ZNF736: variants seen among roughly 807,000 people sequenced by gnomAD.
ZNF736 encodes the protein zinc finger protein 736.
Under a neutral mutation model 11.7 loss-of-function variants are expected in ZNF736, and 6 were observed. The ratio of observed to expected loss-of-function variants is 0.51; its 90% CI spans 0.28 to 1.01. ZNF736 has a LOEUF of 1.01. Among genes scored for constraint, ZNF736 ranks in the 50% least tolerant of loss-of-function variants. The probability of loss-of-function intolerance (pLI) is 0.09; values close to 1 mark genes in which losing one functional copy is unlikely to be tolerated. For synonymous variants in ZNF736, 139 were observed against 164.7 expected (o/e 0.84, Z 1.19); for missense variants, 444 against 496.0 (o/e 0.90, Z 1.00).
At position 64,354,521 on chromosome 7, in the gene ZNF736, T is replaced by C. The variant is rs1248300882; in HGVS notation, c.*5374T>C. 1 of 150,066 alleles carries C rather than the reference T, an allele frequency of 6.7e-6. No homozygotes were observed. The highest frequency in any genetic ancestry group is 1.5e-5 in the Non-Finnish European group (1 of 67,654). 9.3% of individuals were successfully genotyped at this position (150,066 alleles called of 1,614,324 possible). On this transcript the variant is annotated 3_prime_UTR_variant, in exon 4 of 4. Transcript: ENST00000423484. The stretch of plus-strand genomic sequence containing the variant: ...TTAAATTCATTTATCTAAAATGTTA[T>C]TGCTCCTGGCTTAGAATCATCTTGT...
At chr7:64,324,644 C>A (rs560762172) in intron 1 of ZNF736, among the ~76,000 whole-genome samples, 30 of 152,296 alleles carry the variant, frequency 2.0e-4, no homozygotes, top group Non-Finnish European at 4.3e-4. Flanking sequence ...TTATCCCTGT[C>A]CTCAGACGCT....
intron 3 of ZNF736, among the ~76,000 whole-genome samples, chr7:64,345,283 A>G (rs1789393172): frequency 6.6e-6 from 1 of 150,990 alleles, no homozygotes; most frequent in South Asian, 2.1e-4. Flanking sequence ...CGGCCTCCCA[A>G]AGTGCTGGGA....
intron 1 of ZNF736, among the ~76,000 whole-genome samples, chr7:64,317,535 A>G (rs796115991): frequency 4.8e-4 from 73 of 152,300 alleles, no homozygotes; most frequent in African/African-American, 1.7e-3. Context: ...CAGATATTTT[A>G]AAAGACATTA....
rs1789437877 is a variant in ZNF736 at position 64,348,270 on chromosome 7, G to A, written c.407G>A (p.Cys136Tyr). The A allele has an allele frequency of 1.3e-6, 2 of 1,551,962 alleles. No homozygotes were observed. Among genetic ancestry groups the A allele is most frequent in the Non-Finnish European group, 1.7e-6 (2 of 1,146,912 alleles). Residue 136 changes from cysteine to tyrosine, a missense_variant, in exon 4 of 4, where the codon TGT becomes TAT. Physicochemically the swap from Cys to Tyr is radical, Grantham distance 194. Coordinates refer to ENST00000423484, the MANE Select transcript of ZNF736 (RefSeq NM_001170905.3). ...QKSSYNGLHQ[C>Y]LSATHSKTCQ... ...AGCAGTTATAATGGCCTTCATCAAT[G>A]TTTGTCAGCTACCCATAGCAAAACC...
At position 64,319,331 on chromosome 7, in the gene ZNF736, GTGTATATATATATATA is replaced by G. The variant is rs1209846679; in HGVS notation, c.3+5180_3+5195del. On this transcript the variant is annotated intron_variant, in intron 1 of 3. Transcript: ENST00000423484. Reference sequence around the variant, plus strand: ...TGTATATGTATGTGTGTGTGTGTATGTGTATATATATATATATATATATATATATATATATATATAT... The same window carrying G: ...TGTATATGTATGTGTGTGTGTGTATGTATATATATATATATATATATATAT... 7.1e-4 allele frequency among the ~76,000 whole-genome samples: 54 copies of G among 75,526 alleles called. 2 individuals carry two copies. Among genetic ancestry groups the G allele is most frequent in the South Asian group, 2.4e-3 (5 of 2,046 alleles). The allele number at this position is 75,526 out of a possible 152,430, so 49.5% of individuals were successfully genotyped here. A position where few individuals can be genotyped will look rare whatever the true frequency, so the allele number is the denominator to read the frequency against.
chr7:64,337,240 T>C (rs1034948369), intron 3 of ZNF736: 14 of 452,746 alleles, frequency 3.1e-5, no homozygotes, highest in Non-Finnish European at 5.1e-5. Flanking sequence ...GTTTTTAGTT[T>C]ACAGCAATAA....
At position 64,336,979 on chromosome 7, in the gene ZNF736, C is replaced by G; in HGVS notation, c.223C>G (p.Pro75Ala). ...VKRQEAVAKH[P>A]AGSFHFTAEI... The stretch of plus-strand genomic sequence containing the variant: ...GAGACAGGAGGCAGTAGCCAAACAC[C>G]CAGGTAGGTGGGAGTGAATGAAGCA... The change falls in exon 3 of 4, where the codon CCA (proline) becomes GCA (alanine). Residue 75 changes from proline to alanine, a missense_variant. Transcript: ENST00000423484. The G allele has an allele frequency of 6.3e-7, 1 of 1,599,526 alleles. No homozygotes were observed. The highest frequency in any genetic ancestry group is 1.3e-5 in the African/African-American group (1 of 74,612).
intron 1 of ZNF736, among the ~76,000 whole-genome samples, chr7:64,323,029 T>C (rs1789023546): frequency 6.6e-6 from 1 of 152,190 alleles, no homozygotes. Context: ...TTCCCTTCTT[T>C]AGCGCCTTCT....
In ZNF736 at chr7:64,348,156, T is replaced by G; in HGVS notation, c.293T>G (p.Val98Gly). 2.6e-6 allele frequency: 4 copies of G among 1,549,100 alleles called. No individual in the cohort carries two copies. The highest frequency in any genetic ancestry group is 3.5e-6 in the Non-Finnish European group (4 of 1,146,328). ...DHDIKDSFQK[V>G]ILRKYGSCDL... ...GACATAAAAGATTCATTTCAAAAAG[T>G]GATTCTGAGAAAATATGGAAGCTGT... The change falls in exon 4 of 4, where the codon GTG becomes GGG. Residue 98 changes from valine (V) to glycine (G), a missense_variant. Val to Gly is a moderately radical substitution (Grantham distance 109). Transcript: ENST00000423484.
intron 1 of ZNF736, among the ~76,000 whole-genome samples, chr7:64,329,104 A>T (rs1395858628): frequency 1.3e-5 from 2 of 151,934 alleles, no homozygotes; most frequent in African/African-American, 4.8e-5. Context: ...AATTTTTGCT[A>T]GATTCTTCAA....
intron 3 of ZNF736, among the ~76,000 whole-genome samples, chr7:64,347,076 A>T (rs1311896188): frequency 6.6e-6 from 1 of 151,986 alleles, no homozygotes; most frequent in Non-Finnish European, 1.5e-5. Context: ...AAAAAGCCAC[A>T]TGTCAAAATC....
At chr7:64,347,275 A>G (rs925552185) in intron 3 of ZNF736, among the ~76,000 whole-genome samples, 17 of 130,858 alleles carry the variant, frequency 1.3e-4, no homozygotes, top group African/African-American at 4.7e-4. Flanking sequence ...CTGGAGTGCA[A>G]TGTTACAAGC....
intron 1 of ZNF736, among the ~76,000 whole-genome samples, chr7:64,331,418 C>T (rs900460140): frequency 2.6e-5 from 4 of 152,196 alleles, no homozygotes; most frequent in African/African-American, 7.2e-5. Context: ...TGCTGAGCTG[C>T]ACTCCCAGGG....
rs1306661275 is a variant in ZNF736, at chr7:64,353,948, A to ATC, written c.*4803_*4804dup. 1 of 152,236 alleles carries ATC rather than the reference A, an allele frequency of 6.6e-6. No individual in the cohort carries two copies. Among genetic ancestry groups the ATC allele is most frequent in the Non-Finnish European group, 1.5e-5 (1 of 68,032 alleles). The allele number at this position is 152,236 out of a possible 1,614,324, so 9.4% of individuals were successfully genotyped here. ...TAAGGCTATTTTACATTGAATGTGT[A>ATC]TCTTGCCACTGATGTTAACTTATCC... On this transcript the variant is annotated 3_prime_UTR_variant, in exon 4 of 4. Transcript: ENST00000423484.
intron 1 of ZNF736, among the ~76,000 whole-genome samples, chr7:64,316,771 G>A (rs1788923923): frequency 2.6e-5 from 4 of 152,136 alleles, no homozygotes; most frequent in Admixed American, 2.6e-4. Flanking sequence ...AAGAAAAGAG[G>A]TAGATTTTAG....
intron 1 of ZNF736, among the ~76,000 whole-genome samples, chr7:64,329,623 C>G (rs565563482): frequency 6.6e-6 from 1 of 152,176 alleles, no homozygotes; most frequent in African/African-American, 2.4e-5. Context: ...ATCTCTCTCT[C>G]TCTGCATGCT....
chr7:64,331,123 A>T (rs972032259), intron 1 of ZNF736, among the ~76,000 whole-genome samples: 2 of 152,138 alleles, frequency 1.3e-5, no homozygotes, highest in Admixed American at 6.5e-5. Flanking sequence ...AAGCACCAGG[A>T]TTTGCCCAGG....
chr7:64,337,747 T>TTTTG (rs1789275637), intron 3 of ZNF736, among the ~76,000 whole-genome samples: 2 of 19,006 alleles, frequency 1.1e-4, no homozygotes, highest in South Asian at 2.0e-3. Context: ...TTTTGTTTTG[T>TTTTG]TTTTTTTGGT....
intron 3 of ZNF736, among the ~76,000 whole-genome samples, chr7:64,340,670 A>G (rs2115946004): frequency 6.6e-6 from 1 of 152,232 alleles, no homozygotes; most frequent in South Asian, 2.1e-4. Context: ...TCAGCCTACA[A>G]AGTTGCTAGG....
Sources: allele counts gnomAD v4.1 joint callset (sites outside exome capture counted in the v4.1 genomes callset), GRCh38; gene constraint gnomAD v4.1.1; transcripts MANE v1.5; gene names NCBI Gene and HGNC (gene_info 2026-07-23, HGNC 2026-07-21).